The following PHF24 variants were observed in gnomAD, a reference collection of about 807,000 sequenced individuals.
PHF24 encodes PHD finger protein 24.
A neutral mutation model predicts 42.6 loss-of-function variants in PHF24; 25 were observed. That is an observed-to-expected ratio of 0.59 (90% confidence interval 0.43 to 0.82). The LOEUF is 0.82. Ranked by LOEUF, PHF24 falls within the 40% of genes least tolerant of loss-of-function variation. The pLI is 0.00. For missense variants in PHF24, 470 were observed against 538.1 expected (o/e 0.87, Z 1.25); for synonymous variants, 185 against 204.8 (o/e 0.90, Z 0.83).
the PHF24 span, among the ~76,000 whole-genome samples, chr9:34,824,234 C>T: frequency 1.3e-5 from 2 of 152,184 alleles, no homozygotes; most frequent in Non-Finnish European, 2.9e-5. Context: ...ACAAGGGTCA[C>T]AGAGTCTGGG....
At chr9:34,773,310 C>T in the PHF24 span, among the ~76,000 whole-genome samples, 15 of 152,006 alleles carry the variant, frequency 9.9e-5, no homozygotes, top group Non-Finnish European at 1.9e-4. Context: ...TTTTTAATAC[C>T]ATCCTCCAAT....
chr9:34,910,296 CCCT>C, the PHF24 span, among the ~76,000 whole-genome samples: 1 of 152,008 alleles, frequency 6.6e-6, no homozygotes, highest in Non-Finnish European at 1.5e-5. Context: ...CTGTTCCTTT[CCCT>C]CCTTTTTTCC....
the PHF24 span, chr9:34,710,023 GC>G: frequency 6.2e-7 from 1 of 1,614,148 alleles, no homozygotes; most frequent in Non-Finnish European, 8.5e-7. Flanking sequence ...GATGCCAAAG[GC>G]CAGAACCAGG....
the PHF24 span, among the ~76,000 whole-genome samples, chr9:34,906,089 GA>G: frequency 6.6e-6 from 1 of 152,154 alleles, no homozygotes; most frequent in African/African-American, 2.4e-5. Context: ...GAGAAACAGG[GA>G]GGGGGGAAAG....
chr9:34,690,423 C>CGTGT, the PHF24 span: 6 of 913,256 alleles, frequency 6.6e-6, no homozygotes, highest in East Asian at 9.9e-5. Flanking sequence ...ATTGAGGACA[C>CGTGT]CTGTGTGTGT....
At chr9:34,666,003 G>C in the PHF24 span, 4 of 388,278 alleles carry the variant, frequency 1.0e-5, no homozygotes, top group African/African-American at 8.3e-5. Flanking sequence ...AGAGGGGTCA[G>C]CGCAGCCTAA....
chr9:34,763,503 G>A, the PHF24 span, among the ~76,000 whole-genome samples: 8 of 152,088 alleles, frequency 5.3e-5, no homozygotes, highest in African/African-American at 1.9e-4. Context: ...CTGTTTGTCT[G>A]TTATTGGTAT....
At chr9:34,720,448 T>G in the PHF24 span, among the ~76,000 whole-genome samples, 1 of 114,334 alleles carries the variant, frequency 8.7e-6, no homozygotes, top group Admixed American at 9.7e-5. Context: ...CGAGACTCCG[T>G]CTCAAAAAAA....
chr9:34,809,174 G>C, the PHF24 span, among the ~76,000 whole-genome samples: 2 of 151,810 alleles, frequency 1.3e-5, no homozygotes, highest in Non-Finnish European at 2.9e-5. The surrounding 1 kb of genome is among the most constrained non-coding windows in gnomAD (Gnocchi z 4.1). Context: ...CACAAGATGA[G>C]ATGAATTCTT....
chr9:34,902,120 A>T, the PHF24 span, among the ~76,000 whole-genome samples: 71 of 152,330 alleles, frequency 4.7e-4, 1 homozygote, highest in African/African-American at 1.7e-3. Flanking sequence ...ATAAATAAAC[A>T]TGTAGAAATG....
chr9:34,893,168 T>A, the PHF24 span: 1 of 528,056 alleles, frequency 1.9e-6, no homozygotes, highest in Non-Finnish European at 3.2e-6. Flanking sequence ...AAGAGAAACA[T>A]GACAAACATT....
the PHF24 span, among the ~76,000 whole-genome samples, chr9:34,793,867 G>C: frequency 6.6e-6 from 1 of 151,534 alleles, no homozygotes; most frequent in Non-Finnish European, 1.5e-5. Context: ...CAGAGGAGCT[G>C]AGGTCCCTAG....
the PHF24 span, among the ~76,000 whole-genome samples, chr9:34,710,366 T>A: frequency 6.6e-6 from 1 of 152,102 alleles, no homozygotes; most frequent in South Asian, 2.1e-4. Context: ...CAGGCCTCAC[T>A]GCCTCTCCCC....
At chr9:34,954,380 G>A (rs568885851), upstream of PHF24, among the ~76,000 whole-genome samples, 1 of 152,286 alleles carries the variant, frequency 6.6e-6, no homozygotes, top group African/African-American at 2.4e-5. Flanking sequence ...ATCAATTAGC[G>A]GCAGCCAAGG....
rs113570241 is a variant in PHF24 at position 34,962,357 on chromosome 9, C to CT, written c.-5+3969dup. Among the ~76,000 whole-genome samples, 741 of 143,458 alleles carry CT rather than the reference C, an allele frequency of 5.2e-3. 3 individuals carry two copies. The highest frequency in any genetic ancestry group is 0.015 in the African/African-American group (574 of 39,304). 94.1% of individuals were successfully genotyped at this position (143,458 alleles called of 152,430 possible). ...TGTGCTGTTACCTCTTCCTGGAATGCTTTTTTTTTTTTTCCTTATCCACTG... is the reference window on the plus strand; with the variant it reads ...TGTGCTGTTACCTCTTCCTGGAATGCTTTTTTTTTTTTTTCCTTATCCACTG... On this transcript the variant is annotated intron_variant, in intron 1 of 7. Coordinates refer to ENST00000242315, the Ensembl canonical transcript of PHF24.
the PHF24 span, among the ~76,000 whole-genome samples, chr9:34,799,307 C>A: frequency 1.3e-5 from 2 of 152,018 alleles, no homozygotes; most frequent in African/African-American, 4.8e-5. Context: ...TAACATTGGG[C>A]GAGAATCTTC....
the PHF24 span, among the ~76,000 whole-genome samples, chr9:34,689,194 C>A: frequency 6.6e-6 from 1 of 152,302 alleles, no homozygotes; most frequent in South Asian, 2.1e-4. This position sits in a 1 kb window ranked among gnomAD's most constrained non-coding sequence, Gnocchi z 4.1. Context: ...CCCTTCCCCC[C>A]AGTGACACTG....
At chr9:34,709,232 A>C in the PHF24 span, 4 of 853,678 alleles carry the variant, frequency 4.7e-6, no homozygotes, top group Non-Finnish European at 5.7e-6. Context: ...AGAGCTGGGA[A>C]TGCAGATGGG....
At chr9:34,712,719 G>A in the PHF24 span, among the ~76,000 whole-genome samples, 1 of 151,380 alleles carries the variant, frequency 6.6e-6, no homozygotes, top group Admixed American at 6.6e-5. Flanking sequence ...AGCTCTTTGA[G>A]CATATTTAAG....
Sources: gnomAD v4.1 joint callset for allele counts (sites outside exome capture counted in the v4.1 genomes callset) on GRCh38, gnomAD v4.1.1 for gene constraint, Gnocchi (gnomAD v3.1) non-coding constraint, MANE v1.5 for transcripts, NCBI Gene and HGNC (gene_info 2026-07-23, HGNC 2026-07-21) for gene names.